CDKAL1: variants seen among roughly 807,000 people sequenced by gnomAD.
The protein encoded by CDKAL1 is CDKAL1 threonylcarbamoyladenosine tRNA methylthiotransferase, also known as threonylcarbamoyladenosine tRNA methylthiotransferase.
In CDKAL1, 32 loss-of-function variants were observed where a neutral mutation model predicts 68.2. The observed-to-expected ratio is 0.47, with a 90% CI of 0.35 to 0.63. The LOEUF is 0.63. Among genes scored for constraint, CDKAL1 ranks in the 30% least tolerant of loss-of-function variants. The pLI, the probability that CDKAL1 is intolerant of heterozygous loss-of-function variation, is 0.00. For missense variants in CDKAL1, 606 were observed against 696.7 expected (o/e 0.87, Z 1.47); for synonymous variants, 234 against 244.3 (o/e 0.96, Z 0.39).
Position 21,215,620 on chromosome 6 carries a change from G to A in CDKAL1, c.1548+14346G>A, listed in dbSNP as rs188235441. On this transcript the variant is annotated intron_variant, in intron 15 of 15. Coordinates refer to ENST00000274695, the MANE Select transcript of CDKAL1 (RefSeq NM_017774.3). ...GTGAGTTGTAGAGCTGGAAGGGTTG[G>A]ATCTGGTAAAAAGAATCTGAAATCT... Among the ~76,000 whole-genome samples the A allele has an allele frequency of 6.6e-5, 10 of 152,278 alleles. No individual in the cohort carries two copies. In the East Asian group the frequency reaches 1.5e-3, roughly 24 times the overall value.
At chr6:20,923,959 C>T (rs9465935) in intron 9 of CDKAL1, among the ~76,000 whole-genome samples, 223 of 151,712 alleles carry the variant, frequency 1.5e-3, no homozygotes, top group African/African-American at 5.2e-3. Flanking sequence ...TTGCAGTGAG[C>T]TGAGATCACA....
chr6:20,668,498 T>TG (rs777324776), intron 5 of CDKAL1, among the ~76,000 whole-genome samples: 56 of 152,270 alleles, frequency 3.7e-4, no homozygotes, highest in Admixed American at 5.9e-4. Context: ...CGCCAGCTTA[T>TG]AAACATGTTT....
At chr6:20,856,824 T>C (rs1759361192) in intron 9 of CDKAL1, among the ~76,000 whole-genome samples, 1 of 152,236 alleles carries the variant, frequency 6.6e-6, no homozygotes, top group Non-Finnish European at 1.5e-5. Context: ...GTGATACTGC[T>C]ACCTGGTGGT....
chr6:20,720,527 T>C (rs1772297763), intron 5 of CDKAL1, among the ~76,000 whole-genome samples: 1 of 152,114 alleles, frequency 6.6e-6, no homozygotes, highest in Admixed American at 6.5e-5. Flanking sequence ...CTTTCTTTAC[T>C]CTCTACTTCT....
Position 20,853,716 on chromosome 6 carries a change from G to A in CDKAL1, c.742+7538G>A, listed in dbSNP as rs143539783. The stretch of plus-strand genomic sequence containing the variant: ...CAATTTCCATGGATGAGGGCTTTGC[G>A]TTTTCTAAAATACAGGTGACTGCAA... On this transcript the variant is annotated intron_variant, in intron 9 of 15. Transcript: ENST00000274695. 2.3e-3 allele frequency among the ~76,000 whole-genome samples: 354 copies of A among 152,206 alleles called. 1 individual carries two copies. The highest frequency in any genetic ancestry group is 8.0e-3 in the African/African-American group (331 of 41,546).
chr6:20,932,262 AGTT>A lies in CDKAL1; in HGVS notation c.743-23148_743-23146del, dbSNP rs1450507044. 1.6e-4 allele frequency among the ~76,000 whole-genome samples: 24 copies of A among 152,182 alleles called. 1 individual carries two copies. Among genetic ancestry groups the A allele is most frequent in the Admixed American group, 1.3e-4 (2 of 15,284 alleles). ...GGATTTTGATAACTAAATATATATA[AGTT>A]GTTGTTGTGTTCTCTTATGAACCCA... is the stretch of plus-strand genomic sequence containing the variant. On this transcript the variant is annotated intron_variant, in intron 9 of 15. Coordinates refer to ENST00000274695, the MANE Select transcript of CDKAL1 (RefSeq NM_017774.3).
intron 8 of CDKAL1, among the ~76,000 whole-genome samples, chr6:20,786,094 G>A (rs541933857): frequency 6.6e-6 from 1 of 152,146 alleles, no homozygotes; most frequent in South Asian, 2.1e-4. Flanking sequence ...GGTGGTTGGT[G>A]CGTGCCTGTA....
chr6:20,680,673 G>C (rs1449940577), intron 5 of CDKAL1, among the ~76,000 whole-genome samples: 1 of 152,156 alleles, frequency 6.6e-6, no homozygotes, highest in East Asian at 1.9e-4. Context: ...CTCTGTCTCT[G>C]TCTGTGATTC....
At chr6:21,222,516 T>C (rs1488741732) in intron 15 of CDKAL1, among the ~76,000 whole-genome samples, 1 of 152,220 alleles carries the variant, frequency 6.6e-6, no homozygotes, top group African/African-American at 2.4e-5. Flanking sequence ...CATACAACAT[T>C]GTTTTAACTG....
At chr6:20,804,776 T>A (rs772501866) in intron 8 of CDKAL1, among the ~76,000 whole-genome samples, 5 of 152,082 alleles carry the variant, frequency 3.3e-5, no homozygotes, top group Non-Finnish European at 5.9e-5. Flanking sequence ...GGTTAACCAT[T>A]GAGTAGTATC....
intron 4 of CDKAL1, among the ~76,000 whole-genome samples, chr6:20,638,927 C>A (rs542656029): frequency 6.6e-6 from 1 of 151,960 alleles, no homozygotes; most frequent in Non-Finnish European, 1.5e-5. Flanking sequence ...CCACCGCGCC[C>A]GGCCTAGGGA....
At chr6:21,011,381 C>T (rs569516749) in intron 11 of CDKAL1, among the ~76,000 whole-genome samples, 1 of 151,030 alleles carries the variant, frequency 6.6e-6, no homozygotes, top group South Asian at 2.1e-4. Flanking sequence ...GAGACTCTGT[C>T]TCAAAAAAAA....
intron 9 of CDKAL1, among the ~76,000 whole-genome samples, chr6:20,902,226 G>A (rs1762023324): frequency 6.6e-6 from 1 of 151,984 alleles, no homozygotes; most frequent in African/African-American, 2.4e-5. Context: ...ATCAGTAGCT[G>A]CTGTGTGGAG....
chr6:21,083,057 G>C (rs1772495057), intron 12 of CDKAL1, among the ~76,000 whole-genome samples: 1 of 151,564 alleles, frequency 6.6e-6, no homozygotes, highest in Non-Finnish European at 1.5e-5. Flanking sequence ...GTAGAGACAG[G>C]ATCTTGTCAT....
intron 12 of CDKAL1, among the ~76,000 whole-genome samples, chr6:21,073,665 T>A (rs976598928): frequency 6.6e-6 from 1 of 152,240 alleles, no homozygotes; most frequent in Non-Finnish European, 1.5e-5. Context: ...AGGTGTCTGT[T>A]CAGGTCTGTT....
chr6:20,964,979 A>T (rs1226377244), intron 10 of CDKAL1, among the ~76,000 whole-genome samples: 1 of 152,140 alleles, frequency 6.6e-6, no homozygotes, highest in Non-Finnish European at 1.5e-5. Context: ...GGTTGTCAAG[A>T]TGATGAGTGA....
intron 9 of CDKAL1, among the ~76,000 whole-genome samples, chr6:20,892,024 T>C (rs1029341035): frequency 6.6e-6 from 1 of 152,242 alleles, no homozygotes; most frequent in African/African-American, 2.4e-5. Flanking sequence ...TTGTTCTTGT[T>C]GCATATATAT....
intron 11 of CDKAL1, among the ~76,000 whole-genome samples, chr6:21,055,407 CATGTGCAGG>C (rs1160531071): frequency 1.3e-5 from 2 of 151,812 alleles, no homozygotes; most frequent in Non-Finnish European, 2.9e-5. Context: ...TTCTGAGGTA[CATGTGCAGG>C]ATGTGCAGGT....
chr6:20,559,885 C>G (rs183801908), intron 4 of CDKAL1, among the ~76,000 whole-genome samples: 1 of 151,902 alleles, frequency 6.6e-6, no homozygotes. Flanking sequence ...TTAGAAATAG[C>G]GTGTGTTTAA....
Sources: allele counts gnomAD v4.1 joint callset (sites outside exome capture counted in the v4.1 genomes callset), GRCh38; gene constraint gnomAD v4.1.1; transcripts MANE v1.5; gene names NCBI Gene and HGNC (gene_info 2026-07-23, HGNC 2026-07-21).